The following WWOX variants were observed in gnomAD, a reference collection of about 807,000 sequenced individuals.
WWOX encodes WW domain-containing oxidoreductase.
A neutral mutation model predicts 46.2 loss-of-function variants in WWOX; 69 were observed. That is an observed-to-expected ratio of 1.49 (90% CI 1.23 to 1.82). The LOEUF (loss-of-function observed/expected upper bound fraction) is 1.82, where lower values mean the gene tolerates loss of function less well. Among genes scored for constraint, WWOX ranks in the 40% most tolerant of loss-of-function variants. WWOX has a pLI of 0.00. For missense variants in WWOX, 919 were observed against 542.6 expected (o/e 1.69, Z -6.89); for synonymous variants, 359 against 202.6 (o/e 1.77, Z -6.56).
intron 8 of WWOX, among the ~76,000 whole-genome samples, chr16:79,089,768 A>T (rs1401070715): frequency 6.6e-6 from 1 of 152,130 alleles, no homozygotes; most frequent in East Asian, 1.9e-4. Context: ...GCAAAACTTC[A>T]TAGTGTTTGT....
chr16:79,007,424 C>G (rs757589363), intron 8 of WWOX, among the ~76,000 whole-genome samples: 1 of 152,150 alleles, frequency 6.6e-6, no homozygotes, highest in Non-Finnish European at 1.5e-5. Flanking sequence ...ATCACTCAGG[C>G]TGCCTTCGAA....
intron 5 of WWOX, among the ~76,000 whole-genome samples, chr16:78,262,802 G>C (rs982575596): frequency 2.0e-5 from 3 of 152,138 alleles, no homozygotes; most frequent in Non-Finnish European, 4.4e-5. Flanking sequence ...TCTGGGCTGT[G>C]GGGAGGTGAC....
intron 8 of WWOX, among the ~76,000 whole-genome samples, chr16:78,668,031 C>T (rs1325630440): frequency 6.6e-6 from 1 of 152,162 alleles, no homozygotes; most frequent in Non-Finnish European, 1.5e-5. Flanking sequence ...GTAATCTTAG[C>T]ATTTTGAGAG....
chr16:79,118,608 C>T (rs1340397849), intron 8 of WWOX, among the ~76,000 whole-genome samples: 1 of 151,784 alleles, frequency 6.6e-6, no homozygotes, highest in Non-Finnish European at 1.5e-5. Flanking sequence ...TGAGGTATGC[C>T]GATAATACAT....
intron 8 of WWOX, among the ~76,000 whole-genome samples, chr16:78,585,335 C>A (rs1005740154): frequency 6.6e-6 from 1 of 152,190 alleles, no homozygotes; most frequent in Non-Finnish European, 1.5e-5. Flanking sequence ...GACCATCACC[C>A]TGGCTGCCAG....
chr16:78,827,208 C>G (rs976857380), intron 8 of WWOX, among the ~76,000 whole-genome samples: 3 of 152,132 alleles, frequency 2.0e-5, no homozygotes, highest in Non-Finnish European at 2.9e-5. Context: ...GCATGAAAAC[C>G]TGAATGGCTG....
intron 6 of WWOX, among the ~76,000 whole-genome samples, chr16:78,391,639 G>C (rs2082175864): frequency 2.0e-5 from 3 of 152,188 alleles, no homozygotes; most frequent in Admixed American, 1.3e-4. Context: ...CTTGAGGCCA[G>C]GAGTTTGAGA....
intron 8 of WWOX, among the ~76,000 whole-genome samples, chr16:78,813,571 G>A (rs2051253315): frequency 6.6e-6 from 1 of 152,138 alleles, no homozygotes; most frequent in South Asian, 2.1e-4. Context: ...GGGCAGGAAT[G>A]TGTGTGCGTG....
In WWOX at chr16:78,546,773, A is replaced by G. The variant is rs116576346; in HGVS notation, c.1056+114021A>G. 2.6e-3 allele frequency among the ~76,000 whole-genome samples: 398 copies of G among 152,286 alleles called. 1 individual carries two copies. The highest frequency in any genetic ancestry group is 9.3e-3 in the African/African-American group (386 of 41,552). On this transcript the variant is annotated intron_variant, in intron 8 of 8. Coordinates refer to ENST00000566780, the MANE Select transcript of WWOX (RefSeq NM_016373.4). ...AAAGCTCCATCTAAAGAGATAAGTTACTGACGTGTGTTACCAGAGAGAGCC... is the reference window on the plus strand; with the variant it reads ...AAAGCTCCATCTAAAGAGATAAGTTGCTGACGTGTGTTACCAGAGAGAGCC...
rs921746316 is a variant in WWOX, at chr16:78,725,339, C to CTTTTTTTTTTTTTTTTTT, written c.1056+292591_1056+292592insTTTTTTTTTTTTTTTTTT. On this transcript the variant is annotated intron_variant, in intron 8 of 8. Transcript: ENST00000566780. ...TTTTTTTCCTTTTTTCTTTTCTTTT[C>CTTTTTTTTTTTTTTTTTT]TTTTCTTTTTTTTTTTTTTTTTTTT... 1.9e-3 allele frequency among the ~76,000 whole-genome samples: 167 copies of CTTTTTTTTTTTTTTTTTT among 86,712 alleles called. 4 individuals are homozygous for CTTTTTTTTTTTTTTTTTT. The highest frequency in any genetic ancestry group is 2.7e-3 in the Non-Finnish European group (122 of 45,806). The allele number at this position is 86,712 out of a possible 152,430, so 56.9% of individuals were successfully genotyped here. A position where few individuals can be genotyped will look rare whatever the true frequency, so the allele number is the denominator to read the frequency against.
At chr16:78,559,870 C>T (rs572862078) in intron 8 of WWOX, among the ~76,000 whole-genome samples, 1 of 152,202 alleles carries the variant, frequency 6.6e-6, no homozygotes, top group Non-Finnish European at 1.5e-5. Flanking sequence ...CCCCCTCTAT[C>T]TCATACTTTA....
intron 8 of WWOX, among the ~76,000 whole-genome samples, chr16:78,722,197 C>T (rs999844105): frequency 3.0e-4 from 46 of 152,142 alleles, no homozygotes; most frequent in Non-Finnish European, 1.0e-4. Context: ...CACCAAGGCA[C>T]GATGACCGCA....
At chr16:78,920,293 G>C (rs754528521) in intron 8 of WWOX, among the ~76,000 whole-genome samples, 21 of 152,176 alleles carry the variant, frequency 1.4e-4, no homozygotes, top group Admixed American at 5.9e-4. Flanking sequence ...TGGTCACTCT[G>C]GGGCAGGGAT....
chr16:78,238,159 C>G (rs754408679), intron 5 of WWOX: 1 of 152,082 alleles, frequency 6.6e-6, no homozygotes, highest in Non-Finnish European at 1.5e-5. Context: ...TGTACAGTCC[C>G]TTTTTTGTTA....
At chr16:78,586,521 A>T (rs890699649) in intron 8 of WWOX, among the ~76,000 whole-genome samples, 1 of 152,190 alleles carries the variant, frequency 6.6e-6, no homozygotes, top group Non-Finnish European at 1.5e-5. Context: ...TCATTGTCTA[A>T]TTGAATTCTC....
At chr16:79,015,247 G>C (rs1403449611) in intron 8 of WWOX, among the ~76,000 whole-genome samples, 1 of 152,180 alleles carries the variant, frequency 6.6e-6, no homozygotes. Flanking sequence ...CCTGGGCCTA[G>C]CTAAGGGGAA....
At chr16:78,366,695 G>A (rs1358039496) in intron 5 of WWOX, among the ~76,000 whole-genome samples, 2 of 152,162 alleles carry the variant, frequency 1.3e-5, no homozygotes, top group Non-Finnish European at 2.9e-5. Flanking sequence ...GTATTTGGGA[G>A]ATACTTGAAA....
At chr16:78,539,582 C>G (rs1302092829) in intron 8 of WWOX, among the ~76,000 whole-genome samples, 1 of 152,212 alleles carries the variant, frequency 6.6e-6, no homozygotes, top group Admixed American at 6.5e-5. Flanking sequence ...AGAGTGCACA[C>G]ATGCATTTTT....
At chr16:78,677,216 C>T (rs185803059) in intron 8 of WWOX, among the ~76,000 whole-genome samples, 1 of 152,120 alleles carries the variant, frequency 6.6e-6, no homozygotes, top group African/African-American at 2.4e-5. Flanking sequence ...CTTCTCAAAC[C>T]TGAATTATAC....
Sources: allele counts gnomAD v4.1 joint callset (sites outside exome capture counted in the v4.1 genomes callset), GRCh38; gene constraint gnomAD v4.1.1; transcripts MANE v1.5; gene names NCBI Gene and HGNC (gene_info 2026-07-23, HGNC 2026-07-21).